Variants in TMEM132D observed in about 807,000 individuals in gnomAD.
The protein encoded by TMEM132D is transmembrane protein 132D.
A neutral mutation model predicts 62.3 loss-of-function variants in TMEM132D; 21 were observed. The observed-to-expected ratio is 0.34, with a 90% confidence interval of 0.24 to 0.49. TMEM132D has a LOEUF of 0.49. TMEM132D is among the 20% of genes least tolerant of loss of function. The pLI, the probability that TMEM132D is intolerant of heterozygous loss-of-function variation, is 0.99. For synonymous variants in TMEM132D, 621 were observed against 575.6 expected (o/e 1.08, Z -1.13); for missense variants, 1,346 against 1,402.8 (o/e 0.96, Z 0.65).
chr12:129,224,996 G>A (rs757754883), intron 4 of TMEM132D, among the ~76,000 whole-genome samples: 5 of 152,030 alleles, frequency 3.3e-5, no homozygotes, highest in African/African-American at 9.7e-5. Context: ...AAATAAATAC[G>A]GAAACAGGAG....
intron 4 of TMEM132D, among the ~76,000 whole-genome samples, chr12:129,246,302 G>A (rs554642094): frequency 2.6e-5 from 4 of 152,304 alleles, no homozygotes; most frequent in East Asian, 1.9e-4. Context: ...GAGTGTCCAC[G>A]AGAAGAGAAA....
At chr12:129,097,310 C>T (rs1383509472) in intron 5 of TMEM132D, among the ~76,000 whole-genome samples, 2 of 152,330 alleles carry the variant, frequency 1.3e-5, no homozygotes, top group South Asian at 2.1e-4. Flanking sequence ...ATTCTCAGCC[C>T]TGTTTGTAAA....
intron 2 of TMEM132D, among the ~76,000 whole-genome samples, chr12:129,601,358 T>A (rs777353651): frequency 3.3e-5 from 5 of 152,214 alleles, no homozygotes; most frequent in African/African-American, 7.2e-5. Flanking sequence ...TCATTCAAAC[T>A]TTCTCCATAT....
At chr12:129,853,217 G>A (rs889523950) in intron 1 of TMEM132D, 2 of 152,222 alleles carry the variant, frequency 1.3e-5, no homozygotes, top group African/African-American at 4.8e-5. Context: ...AGAGACTGAT[G>A]TGCAGAATCC....
Position 129,551,525 on chromosome 12 carries a change from C to T in TMEM132D, c.969-20320G>A, listed in dbSNP as rs117891348. On this transcript the variant is annotated intron_variant, in intron 2 of 8. Coordinates refer to ENST00000422113, the MANE Select transcript of TMEM132D (RefSeq NM_133448.3). Reference sequence around the variant, plus strand: ...CAATAATTTAAAATTAAGACATTTGCTTTAAAAAAATCCAGATTTTTGGCT... The same window carrying T: ...CAATAATTTAAAATTAAGACATTTGTTTTAAAAAAATCCAGATTTTTGGCT... Among the ~76,000 whole-genome samples the T allele has an allele frequency of 2.7e-3, 415 of 152,246 alleles. 1 individual carries two copies. Among genetic ancestry groups the T allele is most frequent in the East Asian group, 9.3e-3 (48 of 5,170 alleles).
chr12:129,837,913 A>G (rs986639004), intron 1 of TMEM132D, among the ~76,000 whole-genome samples: 1 of 152,236 alleles, frequency 6.6e-6, no homozygotes, highest in African/African-American at 2.4e-5. Flanking sequence ...CGGCTAAGTT[A>G]ATACATCTGT....
intron 3 of TMEM132D, among the ~76,000 whole-genome samples, chr12:129,344,875 A>G (rs1869630966): frequency 6.6e-6 from 1 of 151,976 alleles, no homozygotes. Flanking sequence ...CTCCGTCTCT[A>G]AAATTGCTGA....
intron 1 of TMEM132D, among the ~76,000 whole-genome samples, chr12:129,780,569 G>A (rs11613027): frequency 0.35 from 53,857 of 151,792 alleles, 10,078 homozygotes; most frequent in Middle Eastern, 0.43. Context: ...CTGCCATCTG[G>A]CTGCTTCCCC....
chr12:129,774,129 T>C (rs896626309), intron 1 of TMEM132D, among the ~76,000 whole-genome samples: 2 of 152,158 alleles, frequency 1.3e-5, no homozygotes, highest in East Asian at 3.8e-4. Flanking sequence ...TGGATGAGAA[T>C]TGCAGGACAG....
intron 1 of TMEM132D, among the ~76,000 whole-genome samples, chr12:129,767,157 A>G (rs2060465688): frequency 6.6e-6 from 1 of 152,212 alleles, no homozygotes; most frequent in African/African-American, 2.4e-5. Flanking sequence ...GCTGCCCTGT[A>G]TCAATTGCTC....
chr12:129,259,565 G>C (rs914717078), intron 4 of TMEM132D, among the ~76,000 whole-genome samples: 3 of 152,144 alleles, frequency 2.0e-5, no homozygotes, highest in Non-Finnish European at 2.9e-5. Flanking sequence ...GCAGGTTTAG[G>C]CATGAAAGTT....
At chr12:129,774,735 G>A (rs76995200) in intron 1 of TMEM132D, among the ~76,000 whole-genome samples, 1,655 of 152,328 alleles carry the variant, frequency 0.011, 29 homozygotes, top group African/African-American at 0.037. Flanking sequence ...ATGCACAGAT[G>A]TGGACCAAGA....
chr12:129,504,007 A>G (rs1875250711), intron 3 of TMEM132D, among the ~76,000 whole-genome samples: 1 of 151,734 alleles, frequency 6.6e-6, no homozygotes, highest in African/African-American at 2.4e-5. Context: ...TGTCATCATT[A>G]CTGTCATCAT....
At position 129,567,025 on chromosome 12, in the gene TMEM132D, C is replaced by T. The variant is rs528585046; in HGVS notation, c.969-35820G>A. On this transcript the variant is annotated intron_variant, in intron 2 of 8. Transcript: ENST00000422113. The stretch of plus-strand genomic sequence containing the variant: ...TGACTGACGTCATGTCTCCCTAAAA[C>T]GTATAAAACCAGCTTGTAGCTGGAC... 1.2e-4 allele frequency among the ~76,000 whole-genome samples: 18 copies of T among 152,314 alleles called. No homozygotes were observed. The East Asian group carries it at 1.4e-3, about 11-fold the overall frequency.
rs181724587 is a variant in TMEM132D at position 129,234,262 on chromosome 12, T to C, written c.1300-24599A>G. Among the ~76,000 whole-genome samples, 23 of 152,314 alleles carry C rather than the reference T, an allele frequency of 1.5e-4. No homozygotes were observed. In the East Asian group the frequency reaches 1.5e-3, roughly 10 times the overall value. Reference sequence around the variant, plus strand: ...GCATGGAGAATGCACTGCTGGTCATTTGCAAACCGAGGGGTGTTTGAAAAT... The same window carrying C: ...GCATGGAGAATGCACTGCTGGTCATCTGCAAACCGAGGGGTGTTTGAAAAT... On this transcript the variant is annotated intron_variant, in intron 4 of 8. Coordinates refer to ENST00000422113, the MANE Select transcript of TMEM132D (RefSeq NM_133448.3).
intron 3 of TMEM132D, among the ~76,000 whole-genome samples, chr12:129,454,846 T>G (rs1216154012): frequency 6.6e-6 from 1 of 152,190 alleles, no homozygotes; most frequent in East Asian, 1.9e-4. Flanking sequence ...TGGCAGGCAG[T>G]CAGTCTGTTT....
In TMEM132D at chr12:129,089,262, A is replaced by C. The variant is rs868340335; in HGVS notation, c.1444-4560T>G. ...TGTCCTCCCTGACCGGGTGTCCTCC[A>C]TGACCGGGATGTCCTCCATGACCGG... On this transcript the variant is annotated intron_variant, in intron 5 of 8. Transcript: ENST00000422113. 1.8e-4 allele frequency among the ~76,000 whole-genome samples: 5 copies of C among 28,234 alleles called. 1 individual carries two copies. The highest frequency in any genetic ancestry group is 2.7e-4 in the Non-Finnish European group (5 of 18,628). 18.5% of individuals were successfully genotyped at this position (28,234 alleles called of 152,430 possible).
At chr12:129,337,909 A>G (rs1185056885) in intron 3 of TMEM132D, 92 bp from the exon 4 acceptor site, 12 of 1,337,040 alleles carry the variant, frequency 9.0e-6, no homozygotes, top group South Asian at 2.9e-5. Context: ...CCATTTCTCT[A>G]TGTACCTCCA....
At chr12:129,412,246 T>C (rs185029341) in intron 3 of TMEM132D, among the ~76,000 whole-genome samples, 1 of 152,332 alleles carries the variant, frequency 6.6e-6, no homozygotes, top group African/African-American at 2.4e-5. Context: ...TCCTGAAGCA[T>C]GAACAGCTTA....
Sources: allele counts gnomAD v4.1 joint callset (sites outside exome capture counted in the v4.1 genomes callset), GRCh38; gene constraint gnomAD v4.1.1; transcripts MANE v1.5; gene names NCBI Gene and HGNC (gene_info 2026-07-23, HGNC 2026-07-21).